The following CCDC73 variants were observed in gnomAD, a reference collection of about 807,000 sequenced individuals.
CCDC73 encodes the protein coiled-coil domain containing 73.
CCDC73 carries 95 observed loss-of-function variants against 116.5 expected under a neutral mutation model. That is an observed-to-expected ratio of 0.82 (90% CI 0.69 to 0.97). The LOEUF is 0.97. Among genes scored for constraint, CCDC73 ranks in the 50% least tolerant of loss-of-function variants. The pLI, the probability that CCDC73 is intolerant of heterozygous loss-of-function variation, is 0.00. For missense variants in CCDC73, 1,066 were observed against 1,206.8 expected, an observed-to-expected ratio of 0.88 and a Z score of 1.73; for synonymous variants, 398 against 401.3, an observed-to-expected ratio of 0.99 and a Z score of 0.10.
chr11:32,619,086 T>C (rs1404652912), intron 14 of CCDC73, among the ~76,000 whole-genome samples: 1 of 152,232 alleles, frequency 6.6e-6, no homozygotes, highest in Non-Finnish European at 1.5e-5. Flanking sequence ...ATTAGACCTT[T>C]GTCAGATACA....
intron 16 of CCDC73, among the ~76,000 whole-genome samples, chr11:32,612,554 C>G (rs1255302631): frequency 1.3e-5 from 2 of 151,654 alleles, no homozygotes; most frequent in Non-Finnish European, 2.9e-5. Flanking sequence ...GCCTCGGCAA[C>G]AAAGTGAGAC....
At chr11:32,764,039 A>T (rs1850417888) in intron 1 of CCDC73, among the ~76,000 whole-genome samples, 1 of 152,218 alleles carries the variant, frequency 6.6e-6, no homozygotes, top group Non-Finnish European at 1.5e-5. Context: ...TGAATGAAAC[A>T]AAGCGAGAAG....
chr11:32,699,440 T>C (rs1849789434), intron 5 of CCDC73, 115 bp from the exon 6 acceptor site: 1 of 1,197,640 alleles, frequency 8.3e-7, no homozygotes, highest in African/African-American at 1.6e-5. Context: ...TACTTTCTAA[T>C]GTAAATAATA....
intron 2 of CCDC73, among the ~76,000 whole-genome samples, chr11:32,745,967 T>G (rs1850235308): frequency 6.6e-6 from 1 of 152,194 alleles, no homozygotes; most frequent in African/African-American, 2.4e-5. Flanking sequence ...ATTCTGTCAT[T>G]ATAATGCTAG....
intron 2 of CCDC73, among the ~76,000 whole-genome samples, chr11:32,731,922 A>T (rs575030123): frequency 6.6e-6 from 1 of 152,218 alleles, no homozygotes; most frequent in Non-Finnish European, 1.5e-5. Context: ...TGACTTTGAC[A>T]AGTTGAGAGA....
intron 2 of CCDC73, among the ~76,000 whole-genome samples, chr11:32,749,385 C>A (rs1253839872): frequency 1.3e-5 from 2 of 151,884 alleles, no homozygotes; most frequent in African/African-American, 4.8e-5. Flanking sequence ...TTAATTATTT[C>A]AATCTCTTTA....
chr11:32,747,098 G>T (rs996365089), intron 2 of CCDC73, among the ~76,000 whole-genome samples: 6 of 152,090 alleles, frequency 3.9e-5, no homozygotes, highest in Admixed American at 3.9e-4. Flanking sequence ...GGTGACCTAC[G>T]GATGGTGTTT....
At chr11:32,768,361 T>C (rs999551462) in intron 1 of CCDC73, among the ~76,000 whole-genome samples, 2 of 152,122 alleles carry the variant, frequency 1.3e-5, no homozygotes, top group African/African-American at 2.4e-5. Flanking sequence ...TTAGGAGATA[T>C]ACGTAACATA....
At chr11:32,631,235 T>A (rs1212284810) in intron 14 of CCDC73, among the ~76,000 whole-genome samples, 4 of 152,032 alleles carry the variant, frequency 2.6e-5, no homozygotes, top group Non-Finnish European at 4.4e-5. Context: ...CAACCAACTT[T>A]ATCTAATTGC....
chr11:32,683,426 G>T, intron 7 of CCDC73, 110 bp downstream of exon 7: 1 of 736,464 alleles, frequency 1.4e-6, no homozygotes, highest in Non-Finnish European at 2.5e-6. Flanking sequence ...GTAATATTCA[G>T]TTTCAACAAT....
rs373510546 is a variant in CCDC73, at chr11:32,615,991, C to G, written c.1324G>C (p.Glu442Gln). 6.3e-7 allele frequency: 1 copy of G among 1,591,638 alleles called. No individual in the cohort carries two copies. Among genetic ancestry groups the G allele is most frequent in the South Asian group, 1.1e-5 (1 of 87,840 alleles). The change falls in exon 15 of 18, where the codon GAA (glutamate) becomes CAA (glutamine). Residue 442 changes from glutamate to glutamine, a missense_variant. By Grantham distance (29) the Glu-to-Gln change is conservative (BLOSUM62 2). Coordinates refer to ENST00000335185, the MANE Select transcript of CCDC73 (RefSeq NM_001008391.4). ...GAGCCTTCTTTTTTTTCTTCTTTTT[C>G]TCTGTATTCAGTATCTGAACAAAAA... is the stretch of plus-strand genomic sequence containing the variant. ...ENFCSDTEYR[E>Q]KEEKKEGSFI...
intron 1 of CCDC73, among the ~76,000 whole-genome samples, chr11:32,792,438 A>G (rs1017062661): frequency 6.6e-6 from 1 of 152,212 alleles, no homozygotes; most frequent in African/African-American, 2.4e-5. Context: ...TGTGAGTTCA[A>G]AAAAAGTTAG....
At chr11:32,714,064 C>A (rs1849923982) in intron 3 of CCDC73, among the ~76,000 whole-genome samples, 1 of 152,048 alleles carries the variant, frequency 6.6e-6, no homozygotes, top group South Asian at 2.1e-4. Flanking sequence ...ACCTGAGGAT[C>A]TATCTCCAGG....
chr11:32,758,450 T>C, intron 2 of CCDC73: 1 of 472,480 alleles, frequency 2.1e-6, no homozygotes, highest in South Asian at 1.6e-5. Flanking sequence ...CTGTGAGACC[T>C]AAAGTTCTTA....
At chr11:32,679,470 TCTC>T (rs1856124771) in intron 7 of CCDC73, among the ~76,000 whole-genome samples, 1 of 152,048 alleles carries the variant, frequency 6.6e-6, no homozygotes, top group African/African-American at 2.4e-5. Flanking sequence ...TTCAGGCAAT[TCTC>T]CTGCCTCAGC....
intron 5 of CCDC73, among the ~76,000 whole-genome samples, chr11:32,699,879 A>T (rs1370853408): frequency 1.2e-4 from 7 of 57,400 alleles, no homozygotes; most frequent in Non-Finnish European, 1.5e-4. Flanking sequence ...TAGATTAAAA[A>T]ATATATATAT....
At chr11:32,769,777 T>C (rs738508) in intron 1 of CCDC73, among the ~76,000 whole-genome samples, 89,691 of 152,016 alleles carry the variant, frequency 0.59, 26,773 homozygotes, top group East Asian at 0.84. Context: ...CATCCTTCAA[T>C]GATCCACTAA....
At chr11:32,745,744 GGT>G (rs1491423875) in intron 2 of CCDC73, among the ~76,000 whole-genome samples, 18 of 42,722 alleles carry the variant, frequency 4.2e-4, no homozygotes, top group Admixed American at 9.4e-4. Flanking sequence ...TGTTTGTTTT[GGT>G]TTTTTTTTTT....
intron 9 of CCDC73, among the ~76,000 whole-genome samples, chr11:32,673,034 G>A (rs916400823): frequency 1.4e-4 from 22 of 152,106 alleles, no homozygotes; most frequent in African/African-American, 5.1e-4. Flanking sequence ...AGAAGGTACT[G>A]CTATCCAAAA....
Sources: gnomAD v4.1 joint callset for allele counts (sites outside exome capture counted in the v4.1 genomes callset) on GRCh38, gnomAD v4.1.1 for gene constraint, MANE v1.5 for transcripts, NCBI Gene and HGNC (gene_info 2026-07-23, HGNC 2026-07-21) for gene names.